Variants in AQR observed in about 807,000 individuals in gnomAD.
AQR encodes RNA helicase aquarius.
AQR carries 61 observed loss-of-function variants against 180.5 expected under a neutral mutation model. That is an observed-to-expected ratio of 0.34 (90% CI 0.28 to 0.42). The LOEUF (loss-of-function observed/expected upper bound fraction) is 0.42, where lower values mean the gene tolerates loss of function less well. Ranked by LOEUF, AQR falls within the 10% of genes least tolerant of loss-of-function variation. The pLI is 1.00. For synonymous variants in AQR, 551 were observed against 588.8 expected (o/e 0.94, Z 0.93); for missense variants, 1,281 against 1,798.3 (o/e 0.71, Z 5.20).
rs1410271862 is a variant in AQR, at chr15:34,949,446, T to C, written c.210-1062A>G. Among the ~76,000 whole-genome samples the C allele has an allele frequency of 2.0e-5, 3 of 150,954 alleles. No individual in the cohort carries two copies. The East Asian group carries it at 6.1e-4, about 31-fold the overall frequency. On this transcript the variant is annotated intron_variant, in intron 4 of 34. Transcript: ENST00000156471. ...CAACATGGTGAAACCCCATCTCTAC[T>C]AAAAATACAAAAATTAGCTGGGCAT...
At chr15:34,894,392 T>C (rs1366689274) in intron 22 of AQR, among the ~76,000 whole-genome samples, 1 of 152,154 alleles carries the variant, frequency 6.6e-6, no homozygotes, top group East Asian at 1.9e-4. Flanking sequence ...CCCACAATTC[T>C]ATCTCCAGGT....
At chr15:34,958,472 C>T (rs116852995) in intron 3 of AQR, among the ~76,000 whole-genome samples, 3,717 of 152,272 alleles carry the variant, frequency 0.024, 69 homozygotes, top group Middle Eastern at 0.071. Flanking sequence ...GCTGAGATCA[C>T]ACCACTGCAC....
chr15:34,958,035 T>C (rs12915053), intron 3 of AQR, among the ~76,000 whole-genome samples: 92,633 of 151,336 alleles, frequency 0.61, 30,587 homozygotes, highest in South Asian at 0.75. Context: ...GGTGAAACCC[T>C]GTCTCTACTA....
chr15:34,894,913 T>C (rs1364778905), intron 22 of AQR, among the ~76,000 whole-genome samples: 2 of 151,230 alleles, frequency 1.3e-5, no homozygotes, highest in African/African-American at 2.4e-5. Flanking sequence ...ACCTGTAATC[T>C]CAGCACTTTG....
intron 15 of AQR, among the ~76,000 whole-genome samples, chr15:34,915,973 T>C (rs991809119): frequency 5.3e-5 from 8 of 151,712 alleles, no homozygotes; most frequent in African/African-American, 1.9e-4. Flanking sequence ...AGAGAGAGAA[T>C]TGGGGTGAAG....
Position 34,893,717 on chromosome 15 carries a change from G to A in AQR, c.2517C>T (p.Asn839=), listed in dbSNP as rs987517276. The A allele has an allele frequency of 5.6e-6, 9 of 1,613,844 alleles. No individual in the cohort carries two copies. The highest frequency in any genetic ancestry group is 5.9e-6 in the Non-Finnish European group (7 of 1,179,938). The change falls in exon 23 of 35, where the codon AAC becomes AAT. Residue 839 remains asparagine (N), a synonymous_variant. Coordinates refer to ENST00000156471, the MANE Select transcript of AQR (RefSeq NM_014691.3). ...TCTGTTCTGGGAAGTTGTGGTAGATGTTGGATATGATCTGAACTGCCACAT... is the reference window on the plus strand; with the variant it reads ...TCTGTTCTGGGAAGTTGTGGTAGATATTGGATATGATCTGAACTGCCACAT... The part of the protein sequence containing the change: ...KTDVAVQIIS[N]IYHNFPEQRT...
chr15:34,889,841 A>G (rs990391536), intron 24 of AQR, among the ~76,000 whole-genome samples: 1 of 152,186 alleles, frequency 6.6e-6, no homozygotes, highest in African/African-American at 2.4e-5. Context: ...ATTGGCACCT[A>G]AAATATATGC....
chr15:34,873,044 C>T (rs1199381700), intron 30 of AQR, among the ~76,000 whole-genome samples: 1 of 151,688 alleles, frequency 6.6e-6, no homozygotes, highest in East Asian at 1.9e-4. Context: ...CATAAACATT[C>T]TTCCTGTTAG....
intron 5 of AQR, 43 bp downstream of exon 5, chr15:34,948,221 T>C: frequency 1.9e-6 from 3 of 1,606,892 alleles, no homozygotes; most frequent in Non-Finnish European, 2.5e-6. Flanking sequence ...TAATGGCTTA[T>C]GTGGGTCAGT....
At chr15:34,864,815 C>T (rs754559458) in intron 32 of AQR, among the ~76,000 whole-genome samples, 3 of 152,030 alleles carry the variant, frequency 2.0e-5, no homozygotes, top group African/African-American at 2.4e-5. Flanking sequence ...GTATGATCTC[C>T]GTTGTACATG....
chr15:34,932,136 AC>A (rs1893874372), intron 11 of AQR, among the ~76,000 whole-genome samples, 181 bp downstream of exon 11: 1 of 152,256 alleles, frequency 6.6e-6, no homozygotes, highest in Non-Finnish European at 1.5e-5. Context: ...TACATAATTA[AC>A]AAAAAGTTAT....
rs752421734 is a variant in AQR at position 34,854,903 on chromosome 15, A to C, written c.*1889T>G. 6.6e-6 allele frequency: 1 copy of C among 152,216 alleles called. No homozygotes were observed. The highest frequency in any genetic ancestry group is 1.5e-5 in the Non-Finnish European group (1 of 68,036). 9.4% of individuals were successfully genotyped at this position (152,216 alleles called of 1,614,324 possible). A position where few individuals can be genotyped will look rare whatever the true frequency, so the allele number is the denominator to read the frequency against. ...TCTTTTCCAGGAAAGATGGTAATAC[A>C]GTAAAGCTTCTTTCCCTTGCTTGGC... On this transcript the variant is annotated 3_prime_UTR_variant, in exon 35 of 35. Coordinates refer to ENST00000156471, the MANE Select transcript of AQR (RefSeq NM_014691.3).
chr15:34,904,433 T>A lies in AQR; in HGVS notation c.1904A>T (p.Gln635Leu). 1.9e-6 allele frequency: 3 copies of A among 1,612,550 alleles called. No homozygotes were observed. Among genetic ancestry groups the A allele is most frequent in the Non-Finnish European group, 2.5e-6 (3 of 1,179,036 alleles). ...TTGTATAGTATTGGTCATATCTTGT[T>A]GATACTGGTTTGGATCCAAAAACAC... ...FRVFLDPNQYQQDMTNTIQNG... is the reference protein window; with the variant it reads ...FRVFLDPNQYLQDMTNTIQNG... The change falls in exon 19 of 35, where the codon CAA (glutamine) becomes CTA (leucine). Residue 635 changes from glutamine (Q) to leucine (L), a missense_variant. By Grantham distance (113) the Gln-to-Leu change is moderately radical (BLOSUM62 -2). This residue lies in a region of AQR where 200 missense variants were observed against 293.4 expected (regional missense o/e 0.68). Coordinates refer to ENST00000156471, the MANE Select transcript of AQR (RefSeq NM_014691.3).
chr15:34,944,195 G>C, intron 6 of AQR, 93 bp downstream of exon 6: 3 of 1,220,242 alleles, frequency 2.5e-6, no homozygotes, highest in Non-Finnish European at 3.3e-6. Context: ...TATTATGGAT[G>C]AATGGAGTTG....
chr15:34,887,588 C>G (rs1416792375), intron 24 of AQR, among the ~76,000 whole-genome samples: 1 of 152,174 alleles, frequency 6.6e-6, no homozygotes, highest in Non-Finnish European at 1.5e-5. Context: ...GTAGTGGAAC[C>G]AGAATTAGAT....
chr15:34,883,127 A>T (rs946726714), intron 26 of AQR, among the ~76,000 whole-genome samples: 2 of 152,152 alleles, frequency 1.3e-5, no homozygotes, highest in African/African-American at 4.8e-5. Flanking sequence ...GTAGTCACAC[A>T]AAAAAGCTGG....
intron 14 of AQR, among the ~76,000 whole-genome samples, chr15:34,919,516 T>C (rs1453070036): frequency 1.3e-5 from 2 of 152,208 alleles, no homozygotes; most frequent in East Asian, 3.8e-4. Context: ...GTTGGAACTA[T>C]TTAAATTTTA....
intron 15 of AQR, 112 bp downstream of exon 15, chr15:34,918,146 A>G: frequency 8.7e-7 from 1 of 1,145,032 alleles, no homozygotes; most frequent in East Asian, 2.5e-5. Context: ...GCACCAGGAA[A>G]TTATCCTAAT....
At chr15:34,927,707 T>C (rs992276527) in intron 12 of AQR, among the ~76,000 whole-genome samples, 3 of 152,190 alleles carry the variant, frequency 2.0e-5, no homozygotes, top group Non-Finnish European at 2.9e-5. Context: ...AACAGAGTGA[T>C]TGAAATAATA....
Sources: allele counts gnomAD v4.1 joint callset (sites outside exome capture counted in the v4.1 genomes callset), GRCh38; gene constraint gnomAD v4.1.1; regional missense constraint gnomAD v4.1.1; transcripts MANE v1.5; gene names NCBI Gene and HGNC (gene_info 2026-07-23, HGNC 2026-07-21).